RAP1A: variants seen among roughly 807,000 people sequenced by gnomAD.
The protein encoded by RAP1A is RAP1A, member of RAS oncogene family, also known as ras-related protein Rap-1A.
A neutral mutation model predicts 26.4 loss-of-function variants in RAP1A; 6 were observed. The ratio of observed to expected loss-of-function variants is 0.23; its 90% confidence interval spans 0.12 to 0.45. The LOEUF (loss-of-function observed/expected upper bound fraction) is 0.45, where lower values mean the gene tolerates loss of function less well. Among genes scored for constraint, RAP1A ranks in the 20% least tolerant of loss-of-function variants. RAP1A has a pLI of 0.99. For missense variants in RAP1A, 121 were observed against 217.2 expected (o/e 0.56, Z 2.78); for synonymous variants, 73 against 79.4 (o/e 0.92, Z 0.43).
chr1:111,711,280 T>C (rs1398990674), intron 7 of RAP1A, among the ~76,000 whole-genome samples: 3 of 152,232 alleles, frequency 2.0e-5, no homozygotes, highest in Non-Finnish European at 4.4e-5. Context: ...TTTAACTCTG[T>C]TATAGTTGAC....
intron 1 of RAP1A, among the ~76,000 whole-genome samples, chr1:111,656,430 T>A (rs1235394118): frequency 6.6e-6 from 1 of 152,208 alleles, no homozygotes; most frequent in African/African-American, 2.4e-5. Context: ...CCCCTTTCCC[T>A]TGTAGTAGTG....
At position 111,716,225 on chromosome 1, in the gene RAP1A, C is replaced by T. The variant is rs894910025; in HGVS notation, c.*3824C>T. ...TCTTGTCCAGGGTCTGGAAAGAGCTCATCTTGCCGAGAGGGAAATAAATGT... is the reference window on the plus strand; with the variant it reads ...TCTTGTCCAGGGTCTGGAAAGAGCTTATCTTGCCGAGAGGGAAATAAATGT... On this transcript the variant is annotated 3_prime_UTR_variant, in exon 8 of 8. Transcript: ENST00000369709. 6 of 152,196 alleles carry T rather than the reference C, an allele frequency of 3.9e-5. No homozygotes were observed. Among genetic ancestry groups the T allele is most frequent in the African/African-American group, 1.2e-4 (5 of 41,454 alleles). The allele number at this position is 152,196 out of a possible 1,614,324, so 9.4% of individuals were successfully genotyped here.
intron 1 of RAP1A, among the ~76,000 whole-genome samples, chr1:111,639,605 T>C (rs1400533524): frequency 1.3e-5 from 2 of 152,080 alleles, no homozygotes; most frequent in Non-Finnish European, 2.9e-5. Context: ...CAGGTGAGAT[T>C]CTCAAATGGT....
intron 1 of RAP1A, among the ~76,000 whole-genome samples, chr1:111,630,021 C>T (rs1659522079): frequency 6.6e-6 from 1 of 152,174 alleles, no homozygotes; most frequent in Admixed American, 6.5e-5. Flanking sequence ...ACTATGATGG[C>T]CTGTTGTCTT....
intron 2 of RAP1A, among the ~76,000 whole-genome samples, chr1:111,693,993 A>G (rs958752276): frequency 2.6e-5 from 4 of 151,676 alleles, no homozygotes; most frequent in East Asian, 1.9e-4. Flanking sequence ...CACTTAAGCA[A>G]TCCTCCCACC....
At chr1:111,645,294 C>G (rs1331963896) in intron 1 of RAP1A, among the ~76,000 whole-genome samples, 5 of 152,108 alleles carry the variant, frequency 3.3e-5, no homozygotes, top group Non-Finnish European at 7.4e-5. Flanking sequence ...TGAGAAGGGA[C>G]AGCCTCATCC....
chr1:111,631,011 A>C (rs193273894), intron 1 of RAP1A, among the ~76,000 whole-genome samples: 106 of 152,332 alleles, frequency 7.0e-4, no homozygotes, highest in African/African-American at 2.5e-3. Flanking sequence ...AGAGATAGGA[A>C]GGAATTATGA....
chr1:111,708,605 C>T (rs59220589), intron 6 of RAP1A, among the ~76,000 whole-genome samples: 19,692 of 152,216 alleles, frequency 0.13, 1,619 homozygotes, highest in South Asian at 0.18. Flanking sequence ...TTGGAATTTG[C>T]TCTGTAGTTA....
At position 111,697,458 on chromosome 1, in the gene RAP1A, C is replaced by T. The variant is rs765162038; in HGVS notation, c.144C>T (p.Cys48=). 4.3e-6 allele frequency: 7 copies of T among 1,611,970 alleles called. No homozygotes were observed. The highest frequency in any genetic ancestry group is 2.7e-5 in the African/African-American group (2 of 74,392). ...CCCCACAGCAAGTTGAAGTCGATTG[C>T]CAACAGTGTATGCTCGAAATCCTGG... ...DSYRKQVEVD[C]QQCMLEILDT... Residue 48 remains cysteine (C), a synonymous_variant, in exon 4 of 8, where the codon TGC becomes TGT. Coordinates refer to ENST00000369709, the MANE Select transcript of RAP1A (RefSeq NM_002884.4).
intron 1 of RAP1A, among the ~76,000 whole-genome samples, chr1:111,646,353 T>A (rs1022225918): frequency 3.3e-5 from 5 of 151,658 alleles, no homozygotes; most frequent in African/African-American, 1.2e-4. Flanking sequence ...GAGCTAGTGA[T>A]GTTTTGTTCT....
chr1:111,610,561 C>CAA (rs1230451160), intron 1 of RAP1A, among the ~76,000 whole-genome samples: 1 of 151,736 alleles, frequency 6.6e-6, no homozygotes, highest in Non-Finnish European at 1.5e-5. Flanking sequence ...CACACACACA[C>CAA]ACACACACAC....
chr1:111,686,971 A>G (rs1661504249), intron 1 of RAP1A, among the ~76,000 whole-genome samples: 1 of 151,964 alleles, frequency 6.6e-6, no homozygotes, highest in South Asian at 2.1e-4. Context: ...TTGCCAATAG[A>G]TGTTTTTTCC....
At chr1:111,688,726 G>A (rs927896053) in intron 1 of RAP1A, among the ~76,000 whole-genome samples, 3 of 150,140 alleles carry the variant, frequency 2.0e-5, no homozygotes, top group Admixed American at 6.6e-5. Context: ...ATTGTGCCTC[G>A]TTGTGGTTTT....
chr1:111,676,292 G>A (rs190133978), intron 1 of RAP1A, among the ~76,000 whole-genome samples: 256 of 152,208 alleles, frequency 1.7e-3, no homozygotes, highest in Non-Finnish European at 3.0e-3. Context: ...GGAGGCAGAG[G>A]TTGCAGTGAG....
At chr1:111,637,605 A>G (rs778645749) in intron 1 of RAP1A, among the ~76,000 whole-genome samples, 1 of 152,226 alleles carries the variant, frequency 6.6e-6, no homozygotes, top group Non-Finnish European at 1.5e-5. Context: ...ATTTTGGTGT[A>G]CATCTTTCTC....
At chr1:111,543,857 A>C (rs1656938374) in intron 1 of RAP1A, among the ~76,000 whole-genome samples, 2 of 152,140 alleles carry the variant, frequency 1.3e-5, no homozygotes, top group South Asian at 4.1e-4. Flanking sequence ...GTAAGGGTTT[A>C]TTTTAAAGGA....
chr1:111,648,658 C>T (rs761999544), intron 1 of RAP1A: 15 of 527,426 alleles, frequency 2.8e-5, no homozygotes, highest in Non-Finnish European at 5.0e-5. Flanking sequence ...GAGTCCAGGT[C>T]AATCTTTAAG....
At chr1:111,602,410 A>AT (rs1658691532) in intron 1 of RAP1A, 1 of 152,206 alleles carries the variant, frequency 6.6e-6, no homozygotes, top group Non-Finnish European at 1.5e-5. Context: ...GTAATGGAGG[A>AT]TTAAATTAAA....
At chr1:111,578,197 C>G (rs1658182327) in intron 1 of RAP1A, among the ~76,000 whole-genome samples, 1 of 151,612 alleles carries the variant, frequency 6.6e-6, no homozygotes, top group Non-Finnish European at 1.5e-5. Context: ...TGTGTGGGCA[C>G]TCGGTGGAAG....
Sources: gnomAD v4.1 joint callset for allele counts (sites outside exome capture counted in the v4.1 genomes callset) on GRCh38, gnomAD v4.1.1 for gene constraint, MANE v1.5 for transcripts, NCBI Gene and HGNC (gene_info 2026-07-23, HGNC 2026-07-21) for gene names.